The following PCDHGA4 variants were observed in gnomAD, a reference collection of about 807,000 sequenced individuals.
The protein encoded by PCDHGA4 is protocadherin gamma subfamily A, 4.
Under a neutral mutation model 54.6 loss-of-function variants are expected in PCDHGA4, and 38 were observed. The ratio of observed to expected loss-of-function variants is 0.70; its 90% CI spans 0.54 to 0.91. The LOEUF is 0.91. Among genes scored for constraint, PCDHGA4 ranks in the 40% least tolerant of loss-of-function variants. The probability of loss-of-function intolerance (pLI) is 0.00; values close to 1 mark genes in which losing one functional copy is unlikely to be tolerated. For missense variants in PCDHGA4, 1,298 were observed against 1,220.9 expected (o/e 1.06, Z -0.94); for synonymous variants, 511 against 512.9 (o/e 1.00, Z 0.05).
intron 1 of PCDHGA4, chr5:141,421,355 G>C (rs1561793348): frequency 6.2e-7 from 1 of 1,613,990 alleles, no homozygotes. Flanking sequence ...ACCGAAAAGG[G>C]CTCCTTCGTG....
chr5:141,430,865 C>A, intron 1 of PCDHGA4: 2 of 1,595,350 alleles, frequency 1.3e-6, no homozygotes, highest in Non-Finnish European at 1.7e-6. Flanking sequence ...CTATTCAGTT[C>A]CGGAAGAGCT....
At chr5:141,375,915 C>A in intron 1 of PCDHGA4, 2 of 1,613,746 alleles carry the variant, frequency 1.2e-6, no homozygotes, top group South Asian at 2.2e-5. Flanking sequence ...CTGCTCAAGG[C>A]CAGCGAGCCA....
At chr5:141,376,185 C>A (rs1772389815) in intron 1 of PCDHGA4, 9 of 1,614,158 alleles carry the variant, frequency 5.6e-6, no homozygotes, top group Non-Finnish European at 7.6e-6. Context: ...GCCGCGGTCT[C>A]CTGCGTCTTC....
chr5:141,421,834 C>A, intron 1 of PCDHGA4: 2 of 1,613,748 alleles, frequency 1.2e-6, no homozygotes. Flanking sequence ...AAGCCTGGAC[C>A]GAGAGAAAGA....
intron 1 of PCDHGA4, chr5:141,375,553 A>C: frequency 6.2e-7 from 1 of 1,613,838 alleles, no homozygotes; most frequent in Non-Finnish European, 8.5e-7. Flanking sequence ...TCTCCTACTC[A>C]CTGGCAGAAG....
intron 1 of PCDHGA4, chr5:141,420,292 T>C (rs761934978): frequency 2.7e-6 from 4 of 1,485,132 alleles, no homozygotes; most frequent in Middle Eastern, 1.8e-4. Context: ...TTTAAAAATG[T>C]ATTTAATCCT....
intron 1 of PCDHGA4, chr5:141,362,632 T>A: frequency 1.3e-6 from 2 of 1,490,270 alleles, no homozygotes; most frequent in Non-Finnish European, 1.8e-6. Context: ...CCACTGCGTA[T>A]TTCTTTGTCT....
At chr5:141,361,701 T>A (rs376967719) in intron 1 of PCDHGA4, 65 of 1,613,296 alleles carry the variant, frequency 4.0e-5, no homozygotes, top group Non-Finnish European at 5.5e-5. Context: ...CCTTCGATCA[T>A]GAGCAGCTGC....
chr5:141,403,237 C>T (rs1293614874), intron 1 of PCDHGA4: 1 of 1,613,824 alleles, frequency 6.2e-7, no homozygotes, highest in Non-Finnish European at 8.5e-7. Flanking sequence ...GGGAGGAGCT[C>T]TGTGCTCAGA....
At chr5:141,497,595 A>C (rs973413640) in intron 2 of PCDHGA4, among the ~76,000 whole-genome samples, 1 of 147,414 alleles carries the variant, frequency 6.8e-6, no homozygotes, top group East Asian at 2.0e-4. Context: ...GCTGGAGTGC[A>C]GTGGTGCGAT....
chr5:141,494,948 G>C (rs909146), intron 2 of PCDHGA4, 83 bp downstream of exon 2: 1 of 1,608,226 alleles, frequency 6.2e-7, no homozygotes, highest in South Asian at 1.1e-5. Flanking sequence ...GGAGGGCCCA[G>C]CATTTGCTAC....
chr5:141,364,729 C>A, intron 1 of PCDHGA4: 2 of 1,613,898 alleles, frequency 1.2e-6, no homozygotes, highest in Non-Finnish European at 1.7e-6. Flanking sequence ...TCCCGCGTTT[C>A]CGGGATGAAG....
Position 141,454,796 on chromosome 5 carries a change from A to ATTTTTTTTTTTTT in PCDHGA4, c.2515-39994_2515-39982dup, listed in dbSNP as rs61612330. On this transcript the variant is annotated intron_variant, in intron 1 of 3. Coordinates refer to ENST00000571252, the MANE Select transcript of PCDHGA4 (RefSeq NM_018917.4). ...AAGGAAATAATCCTCCATGGTTCTAATTTTTTTTTTTTTTTTTTTTTTTTT... is the reference window on the plus strand; with the variant it reads ...AAGGAAATAATCCTCCATGGTTCTAATTTTTTTTTTTTTTTTTTTTTTTTTTTTTTTTTTTTTT... Among the ~76,000 whole-genome samples the ATTTTTTTTTTTTT allele has an allele frequency of 1.7e-3, 135 of 77,462 alleles. 8 individuals carry two copies. The highest frequency in any genetic ancestry group is 2.5e-3 in the Admixed American group (14 of 5,554). The allele number at this position is 77,462 out of a possible 152,430, so 50.8% of individuals were successfully genotyped here.
intron 1 of PCDHGA4, chr5:141,370,869 G>C: frequency 6.2e-7 from 1 of 1,614,036 alleles, no homozygotes. Context: ...ATCTGCGCAA[G>C]ATCCTGATGT....
chr5:141,435,781 C>T (rs3828680), intron 1 of PCDHGA4, among the ~76,000 whole-genome samples: 81,882 of 151,942 alleles, frequency 0.54, 24,120 homozygotes, highest in African/African-American at 0.79. Flanking sequence ...TGTAAAGGTG[C>T]AGGGAAACAT....
chr5:141,399,602 T>G, intron 1 of PCDHGA4: 1 of 1,613,956 alleles, frequency 6.2e-7, no homozygotes, highest in South Asian at 1.1e-5. Context: ...GCCAGCGACC[T>G]AGAGCCTCTG....
At chr5:141,437,497 T>A (rs2097889891) in intron 1 of PCDHGA4, among the ~76,000 whole-genome samples, 1 of 152,190 alleles carries the variant, frequency 6.6e-6, no homozygotes, top group Non-Finnish European at 1.5e-5. Flanking sequence ...TAGATCACTT[T>A]TCAATGAATT....
rs1403163275 is a variant in PCDHGA4 at position 141,441,708 on chromosome 5, A to T, written c.2515-53099A>T. ...AGAGCAGCCGCGAGCCTTCAAGCTC[A>T]CGCTGCAGGCCCGCGACCAGGACTA... On this transcript the variant is annotated intron_variant, in intron 1 of 3. Coordinates refer to ENST00000571252, the MANE Select transcript of PCDHGA4 (RefSeq NM_018917.4). 2.8e-5 allele frequency: 9 copies of T among 319,492 alleles called. No homozygotes were observed. In the East Asian group the frequency reaches 1.0e-3, roughly 37 times the overall value. 19.8% of individuals were successfully genotyped at this position (319,492 alleles called of 1,614,324 possible).
intron 1 of PCDHGA4, among the ~76,000 whole-genome samples, chr5:141,386,239 T>C (rs940209503): frequency 2.0e-5 from 3 of 152,238 alleles, no homozygotes; most frequent in Non-Finnish European, 2.9e-5. Flanking sequence ...AAAAATTCAG[T>C]TGGAAATAAC....
Sources: gnomAD v4.1 joint callset for allele counts (sites outside exome capture counted in the v4.1 genomes callset) on GRCh38, gnomAD v4.1.1 for gene constraint, MANE v1.5 for transcripts, NCBI Gene and HGNC (gene_info 2026-07-23, HGNC 2026-07-21) for gene names.